The following FREM1 variants were observed in gnomAD, a reference collection of about 807,000 sequenced individuals.
FREM1 encodes FRAS1-related extracellular matrix protein 1.
A neutral mutation model predicts 210.1 loss-of-function variants in FREM1; 220 were observed. The ratio of observed to expected loss-of-function variants is 1.05; its 90% CI spans 0.94 to 1.17. The LOEUF (loss-of-function observed/expected upper bound fraction) is 1.17, where lower values mean the gene tolerates loss of function less well. Ranked by LOEUF, FREM1 falls within the 50% of genes most tolerant of loss-of-function variation. The probability of loss-of-function intolerance (pLI) is 0.00; values close to 1 mark genes in which losing one functional copy is unlikely to be tolerated. For missense variants in FREM1, 3,454 were observed against 2,675.5 expected, an observed-to-expected ratio of 1.29 and a Z score of -6.42; for synonymous variants, 1,189 against 980.2, an observed-to-expected ratio of 1.21 and a Z score of -3.98.
chr9:14,859,355 C>G lies in FREM1; in HGVS notation c.459G>C (p.Ala153=). 2.5e-6 allele frequency: 4 copies of G among 1,613,848 alleles called. No homozygotes were observed. The highest frequency in any genetic ancestry group is 3.4e-6 in the Non-Finnish European group (4 of 1,179,842). Residue 153 remains alanine, a synonymous_variant, in exon 4 of 37, where the codon GCG becomes GCC. Transcript: ENST00000380880. ...EVPEFNGLSQ[A]IDKNLLRFDY... Reference sequence around the variant, plus strand: ...CGAATCTGAGCAGATTTTTATCAATCGCTTGGGACAAGCCATTGAATTCAG... The same window carrying G: ...CGAATCTGAGCAGATTTTTATCAATGGCTTGGGACAAGCCATTGAATTCAG...
Position 14,841,560 on chromosome 9 carries a change from C to G in FREM1, c.1768G>C (p.Asp590His). 6.2e-7 allele frequency: 1 copy of G among 1,610,548 alleles called. No individual in the cohort carries two copies. The highest frequency in any genetic ancestry group is 8.5e-7 in the Non-Finnish European group (1 of 1,177,526). ...TAATAAATGATTCCATTAAACAAAT[C>G]CCTCTGAAGGAAGCCATGGACAGGA... ...GYPVHGFLQR[D>H]LFNGIIYYRH... The change falls in exon 10 of 37, where the codon GAT (aspartate) becomes CAT (histidine). Residue 590 changes from aspartate to histidine, a missense_variant. Physicochemically the swap from Asp to His is moderately conservative, Grantham distance 81. Coordinates refer to ENST00000380880, the MANE Select transcript of FREM1 (RefSeq NM_001379081.2).
chr9:14,784,290 T>C (rs1273964346), intron 24 of FREM1, 80 bp downstream of exon 24: 7 of 1,307,938 alleles, frequency 5.4e-6, no homozygotes, highest in African/African-American at 1.5e-5. Flanking sequence ...ATGGTTACTA[T>C]AGTGAAGCAC....
chr9:14,849,902 C>T (rs1330995749), intron 6 of FREM1, among the ~76,000 whole-genome samples: 1 of 152,156 alleles, frequency 6.6e-6, no homozygotes, highest in Non-Finnish European at 1.5e-5. Flanking sequence ...TGAGAAATTA[C>T]TTCCTAACAG....
Position 14,748,386 on chromosome 9 carries a change from G to A in FREM1, c.5796+15C>T. 1.4e-6 allele frequency: 2 copies of A among 1,398,904 alleles called. No homozygotes were observed. The highest frequency in any genetic ancestry group is 1.8e-5 in the Admixed American group (1 of 56,578). 86.7% of individuals were successfully genotyped at this position (1,398,904 alleles called of 1,614,324 possible). A position where few individuals can be genotyped will look rare whatever the true frequency, so the allele number is the denominator to read the frequency against. ...GTATTTTGCACATCATTTCCCAGAA[G>A]GTCCCCATCCTTACTGTTTTGCCAT... is the stretch of plus-strand genomic sequence containing the variant. On this transcript the variant is annotated intron_variant, in intron 31 of 36. Transcript: ENST00000380880.
chr9:14,759,518 C>CAATAATAATAATAATACT (rs6150928), intron 28 of FREM1, among the ~76,000 whole-genome samples: 1 of 143,042 alleles, frequency 7.0e-6, no homozygotes, highest in African/African-American at 2.6e-5. Context: ...CTCAAAATAA[C>CAATAATAATAATAATACT]AATAATAATA....
At chr9:14,761,732 T>A (rs576290961) in intron 27 of FREM1, among the ~76,000 whole-genome samples, 1 of 152,294 alleles carries the variant, frequency 6.6e-6, no homozygotes, top group East Asian at 1.9e-4. Context: ...GCAAGAATCA[T>A]CCCTTTGTCC....
At chr9:14,821,489 C>A (rs1376312216) in intron 13 of FREM1, among the ~76,000 whole-genome samples, 2 of 152,152 alleles carry the variant, frequency 1.3e-5, no homozygotes, top group African/African-American at 2.4e-5. Context: ...TAGTGCTAGG[C>A]TATTTGATGG....
At position 14,812,813 on chromosome 9, in the gene FREM1, T is replaced by C. The variant is rs756814406; in HGVS notation, c.2892A>G (p.Thr964=). 9 of 1,603,926 alleles carry C rather than the reference T, an allele frequency of 5.6e-6. No individual in the cohort carries two copies. The South Asian group carries it at 1.0e-4, about 18-fold the overall frequency. The stretch of plus-strand genomic sequence containing the variant: ...ACTGGTCACCATGCTGCTGCTTACC[T>C]GTGTGTTTGTATGTCACGGCCTCTG... ...VISEAVTYKH[T]GGEIGLMPCF... is the part of the protein sequence containing the mutation. Residue 964 remains threonine (T), a splice_region_variant and synonymous_variant, in exon 16 of 37, where the codon ACA becomes ACG. Transcript: ENST00000380880.
intron 1 of FREM1, among the ~76,000 whole-genome samples, chr9:14,893,780 G>C (rs1238875651): frequency 6.6e-6 from 1 of 151,870 alleles, no homozygotes; most frequent in Non-Finnish European, 1.5e-5. Context: ...AGATTAAAAG[G>C]TTAAAGGGTT....
intron 16 of FREM1, among the ~76,000 whole-genome samples, chr9:14,811,474 C>T (rs762017228): frequency 1.4e-4 from 21 of 152,086 alleles, no homozygotes; most frequent in African/African-American, 4.3e-4. Flanking sequence ...ATTTCAGATC[C>T]ACTGGGGAAA....
chr9:14,743,556 T>C (rs1470067488), intron 35 of FREM1, among the ~76,000 whole-genome samples: 1 of 152,104 alleles, frequency 6.6e-6, no homozygotes, highest in Non-Finnish European at 1.5e-5. Flanking sequence ...TTCTCAATAC[T>C]TACTGTCCTT....
Position 14,746,921 on chromosome 9 carries a change from A to AC in FREM1, c.6138+1dup. 6.2e-7 allele frequency: 1 copy of AC among 1,612,434 alleles called. No homozygotes were observed. The highest frequency in any genetic ancestry group is 8.5e-7 in the Non-Finnish European group (1 of 1,179,546). On this transcript the variant is annotated splice_donor_variant, in intron 34 of 36. Coordinates refer to ENST00000380880, the MANE Select transcript of FREM1 (RefSeq NM_001379081.2). LOFTEE classifies it high-confidence loss of function. ...TGCTTGGCTGCTCAGCCTGCCTCCT[A>AC]CCTTGGTTTGGGGACTCCAGGCTTT...
At chr9:14,883,500 G>T (rs1450066840) in intron 1 of FREM1, among the ~76,000 whole-genome samples, 1 of 152,176 alleles carries the variant, frequency 6.6e-6, no homozygotes, top group Admixed American at 6.5e-5. Flanking sequence ...TTGGCTTCAA[G>T]AAGGTGGCAT....
At chr9:14,826,554 T>C (rs1195762620) in intron 10 of FREM1, among the ~76,000 whole-genome samples, 1 of 152,234 alleles carries the variant, frequency 6.6e-6, no homozygotes, top group Non-Finnish European at 1.5e-5. Flanking sequence ...CTTAGACCTT[T>C]CTCCAATTTT....
Position 14,863,829 on chromosome 9 carries a change from T to A in FREM1, c.309A>T (p.Thr103=), listed in dbSNP as rs1344398578. 7 of 1,612,118 alleles carry A rather than the reference T, an allele frequency of 4.3e-6. No individual in the cohort carries two copies. The Admixed American group carries it at 8.3e-5, about 19-fold the overall frequency. ...CTTACCTGTAAAGTCTGAGCTTCAC[T>A]GTGTCTTCATCAAGAATTGGACAAC... is the stretch of plus-strand genomic sequence containing the variant. The part of the protein sequence containing the change: ...HNGCPILDED[T]VKLRLYRFTE... The change falls in exon 3 of 37, where the codon ACA becomes ACT. Residue 103 remains threonine (T), a synonymous_variant. Transcript: ENST00000380880.
chr9:14,748,698 A>G (rs1452216899), intron 30 of FREM1, 59 bp from the exon 31 acceptor site: 1 of 1,052,794 alleles, frequency 9.5e-7, no homozygotes, highest in Non-Finnish European at 1.4e-6. Context: ...ATAAGGTATC[A>G]CATTGACACA....
At chr9:14,753,218 A>G (rs1843696923) in intron 29 of FREM1, among the ~76,000 whole-genome samples, 1 of 152,250 alleles carries the variant, frequency 6.6e-6, no homozygotes, top group Admixed American at 6.5e-5. Context: ...TTTTATGCAG[A>G]CATATTCCAC....
intron 3 of FREM1, 41 bp downstream of exon 3, chr9:14,863,768 G>T: frequency 8.2e-7 from 1 of 1,219,296 alleles, no homozygotes; most frequent in Non-Finnish European, 1.2e-6. Context: ...ACACAGAATG[G>T]TTACTTGGCA....
At chr9:14,844,137 T>A (rs1198695560) in intron 8 of FREM1, among the ~76,000 whole-genome samples, 1 of 152,172 alleles carries the variant, frequency 6.6e-6, no homozygotes, top group Non-Finnish European at 1.5e-5. Context: ...ACCCAGACCA[T>A]CAATGCATTA....
Sources: gnomAD v4.1 joint callset for allele counts (sites outside exome capture counted in the v4.1 genomes callset) on GRCh38, gnomAD v4.1.1 for gene constraint, MANE v1.5 for transcripts, NCBI Gene and HGNC (gene_info 2026-07-23, HGNC 2026-07-21) for gene names.